The following ADAMTSL1 variants were observed in gnomAD, a reference collection of about 807,000 sequenced individuals.
ADAMTSL1 encodes the protein ADAMTS-like protein 1.
In ADAMTSL1, 126 loss-of-function variants were observed where a neutral mutation model predicts 201.8. That is an observed-to-expected ratio of 0.62 (90% confidence interval 0.54 to 0.72). ADAMTSL1 has a LOEUF of 0.72. Ranked by LOEUF, ADAMTSL1 falls within the 30% of genes least tolerant of loss-of-function variation. The pLI is 0.00. For missense variants in ADAMTSL1, 2,679 were observed against 2,277.8 expected, an observed-to-expected ratio of 1.18 and a Z score of -3.59; for synonymous variants, 1,121 against 903.4, an observed-to-expected ratio of 1.24 and a Z score of -4.32.
chr9:18,777,771 T>G lies in ADAMTSL1; in HGVS notation c.3542T>G (p.Val1181Gly). Residue 1181 changes from valine (V) to glycine (G), a missense_variant, in exon 19 of 29, where the codon GTG (valine) becomes GGG (glycine). By Grantham distance (109) the Val-to-Gly change is moderately radical (BLOSUM62 -3). Coordinates refer to ENST00000380548, the MANE Select transcript of ADAMTSL1 (RefSeq NM_001040272.6). ...SAAQQLSASE[V>G]VTHLGQTVAL... Reference sequence around the variant, plus strand: ...GCCCAGCAGCTCTCAGCCTCGGAGGTGGTCACCCACCTGGGGCAGACGGTG... The same window carrying G: ...GCCCAGCAGCTCTCAGCCTCGGAGGGGGTCACCCACCTGGGGCAGACGGTG... 6.2e-7 allele frequency: 1 copy of G among 1,613,624 alleles called. No individual in the cohort carries two copies. The highest frequency in any genetic ancestry group is 8.5e-7 in the Non-Finnish European group (1 of 1,179,820).
At chr9:18,681,691 C>G in intron 11 of ADAMTSL1, 121 bp from the exon 12 acceptor site, 1 of 330,880 alleles carries the variant, frequency 3.0e-6, no homozygotes. Flanking sequence ...ACCAGGAGTC[C>G]TCGTGTGGGG....
Position 18,684,890 on chromosome 9 carries a change from T to A in ADAMTSL1, c.1574+90T>A, listed in dbSNP as rs192277498. ...CACTGGTTGTAGCTTTCATGGGTTC[T>A]GAACTAAGTGTAATCATCTCACCAA... On this transcript the variant is annotated intron_variant, in intron 13 of 28. Coordinates refer to ENST00000380548, the MANE Select transcript of ADAMTSL1 (RefSeq NM_001040272.6). 10 of 1,485,472 alleles carry A rather than the reference T, an allele frequency of 6.7e-6. No homozygotes were observed. The Admixed American group carries it at 1.5e-4, about 22-fold the overall frequency. 92.0% of individuals were successfully genotyped at this position (1,485,472 alleles called of 1,614,324 possible).
intron 1 of ADAMTSL1, among the ~76,000 whole-genome samples, chr9:17,978,582 C>T (rs1242759313): frequency 6.6e-6 from 1 of 151,534 alleles, no homozygotes; most frequent in African/African-American, 2.4e-5. Flanking sequence ...TTTATTTCTC[C>T]CTCCACATTT....
At position 18,829,844 on chromosome 9, in the gene ADAMTSL1, TC is replaced by T; in HGVS notation, c.4123del (p.Gln1375LysfsTer24). ...TESTQLLILD[P>X]PQVPTQLEDI... ...GATCCACCCTCTGCCTTCTCACAGA[TC>T]CCCCCCAAGTCCCCACACAGTTGGA... is the stretch of plus-strand genomic sequence containing the variant. On this transcript the variant is annotated frameshift_variant and splice_region_variant, in exon 23 of 29. Transcript: ENST00000380548. LOFTEE classifies it high-confidence loss of function. 5.0e-6 allele frequency: 8 copies of T among 1,613,762 alleles called. No individual in the cohort carries two copies. The highest frequency in any genetic ancestry group is 2.2e-5 in the East Asian group (1 of 44,874).
At chr9:18,054,179 T>C (rs1309273384) in intron 1 of ADAMTSL1, among the ~76,000 whole-genome samples, 1 of 152,238 alleles carries the variant, frequency 6.6e-6, no homozygotes, top group African/African-American at 2.4e-5. Context: ...TGTATGTGCA[T>C]ACATTTGTAC....
At chr9:17,920,285 C>A (rs1826254923) in intron 1 of ADAMTSL1, among the ~76,000 whole-genome samples, 1 of 152,090 alleles carries the variant, frequency 6.6e-6, no homozygotes, top group African/African-American at 2.4e-5. Flanking sequence ...CTCCTTTCAC[C>A]CTTCTCTGTT....
intron 26 of ADAMTSL1, among the ~76,000 whole-genome samples, chr9:18,904,623 G>A (rs1333089024): frequency 3.1e-5 from 2 of 64,102 alleles, no homozygotes; most frequent in South Asian, 6.4e-4. Flanking sequence ...AACAGAAAGA[G>A]ACCCTGCCTC....
Position 18,061,880 on chromosome 9 carries a change from C to T in ADAMTSL1, c.88-101982C>T, listed in dbSNP as rs1822470880. ...AGAAATACTTTGAATCACCAAACGGCATCTTCAATTTTCAATAGCAAAATG... is the reference window on the plus strand; with the variant it reads ...AGAAATACTTTGAATCACCAAACGGTATCTTCAATTTTCAATAGCAAAATG... On this transcript the variant is annotated intron_variant, in intron 1 of 29. Transcript: ENST00000680146. Among the ~76,000 whole-genome samples the T allele has an allele frequency of 2.6e-5, 4 of 152,196 alleles. No homozygotes were observed. The South Asian group carries it at 8.3e-4, about 31-fold the overall frequency.
intron 2 of ADAMTSL1, among the ~76,000 whole-genome samples, chr9:18,250,064 G>C: frequency 6.6e-6 from 1 of 152,140 alleles, no homozygotes; most frequent in South Asian, 2.1e-4. Context: ...AATTAGTCTT[G>C]AAATAGAAAA....
chr9:18,672,962 C>G (rs1829916795), intron 9 of ADAMTSL1, among the ~76,000 whole-genome samples: 1 of 152,150 alleles, frequency 6.6e-6, no homozygotes, highest in African/African-American at 2.4e-5. Flanking sequence ...GTAAGAGAAA[C>G]AATGTAAGAA....
intron 7 of ADAMTSL1, among the ~76,000 whole-genome samples, chr9:18,640,348 G>A (rs1195019009): frequency 6.6e-6 from 1 of 152,220 alleles, no homozygotes; most frequent in Non-Finnish European, 1.5e-5. Context: ...AATGATTTCT[G>A]TTAAGCAAGA....
intron 1 of ADAMTSL1, among the ~76,000 whole-genome samples, chr9:18,152,287 T>C (rs994443753): frequency 6.6e-6 from 1 of 151,978 alleles, no homozygotes; most frequent in Non-Finnish European, 1.5e-5. Context: ...AACAGCAGCC[T>C]TTAAGGACTG....
chr9:18,237,412 T>G (rs1415496459), intron 2 of ADAMTSL1, among the ~76,000 whole-genome samples: 1 of 152,248 alleles, frequency 6.6e-6, no homozygotes, highest in Non-Finnish European at 1.5e-5. Flanking sequence ...TTTTTGTTCT[T>G]ATTTTCTCAC....
intron 2 of ADAMTSL1, among the ~76,000 whole-genome samples, chr9:18,291,711 T>C (rs992389236): frequency 7.5e-6 from 1 of 133,322 alleles, no homozygotes; most frequent in Admixed American, 7.8e-5. Flanking sequence ...TCTCTCTCTC[T>C]CTCTTTCTCT....
At chr9:18,325,458 C>T (rs563074780) in intron 2 of ADAMTSL1, among the ~76,000 whole-genome samples, 15 of 152,238 alleles carry the variant, frequency 9.9e-5, no homozygotes, top group African/African-American at 2.9e-4. Context: ...GAATCTCAAA[C>T]GTTATGTTGA....
intron 4 of ADAMTSL1, among the ~76,000 whole-genome samples, chr9:18,614,409 C>A (rs1361321804): frequency 2.6e-5 from 4 of 152,070 alleles, no homozygotes; most frequent in African/African-American, 4.8e-5. Context: ...CCTAGTAATG[C>A]GATTTGCGGC....
intron 2 of ADAMTSL1, among the ~76,000 whole-genome samples, chr9:18,434,911 T>TAAG (rs1431444271): frequency 5.3e-5 from 8 of 152,224 alleles, no homozygotes; most frequent in African/African-American, 1.9e-4. Context: ...GACTGGTGTC[T>TAAG]AAGTCAACTA....
At chr9:17,969,208 TA>T (rs34024326) in intron 1 of ADAMTSL1, among the ~76,000 whole-genome samples, 90,049 of 151,882 alleles carry the variant, frequency 0.59, 27,284 homozygotes, top group East Asian at 0.92. Flanking sequence ...GATTGCCAGT[TA>T]AAAATCTAAT....
At chr9:18,149,696 G>C (rs1826824004) in intron 1 of ADAMTSL1, among the ~76,000 whole-genome samples, 1 of 152,056 alleles carries the variant, frequency 6.6e-6, no homozygotes, top group Non-Finnish European at 1.5e-5. Context: ...AGAGAGATGT[G>C]ATTGGCACTG....
Sources: gnomAD v4.1 joint callset for allele counts (sites outside exome capture counted in the v4.1 genomes callset) on GRCh38, gnomAD v4.1.1 for gene constraint, MANE v1.5 for transcripts, NCBI Gene and HGNC (gene_info 2026-07-23, HGNC 2026-07-21) for gene names.